The following MBD2 variants were observed in gnomAD, a reference collection of about 807,000 sequenced individuals.
MBD2 encodes methyl-CpG-binding domain protein 2.
MBD2 carries 9 observed loss-of-function variants against 39.3 expected under a neutral mutation model. The observed-to-expected ratio is 0.23, with a 90% CI of 0.14 to 0.40. The LOEUF is 0.40. Ranked by LOEUF, MBD2 falls within the 10% of genes least tolerant of loss-of-function variation. MBD2 has a pLI of 1.00. For missense variants in MBD2, 458 were observed against 532.6 expected, an observed-to-expected ratio of 0.86 and a Z score of 1.38; for synonymous variants, 233 against 211.1, an observed-to-expected ratio of 1.10 and a Z score of -0.90.
chr18:54,159,514 C>T (rs1158854190), intron 6 of MBD2, among the ~76,000 whole-genome samples: 1 of 151,856 alleles, frequency 6.6e-6, no homozygotes, highest in Non-Finnish European at 1.5e-5. Context: ...GCCTCCCAGG[C>T]TCGAGTGATC....
At chr18:54,206,329 CCCCAAAGTGTTA>C (rs1230918204) in intron 1 of MBD2, among the ~76,000 whole-genome samples, 3 of 152,102 alleles carry the variant, frequency 2.0e-5, no homozygotes, top group Admixed American at 2.0e-4. Flanking sequence ...AGGAATAATG[CCCCAAAGTGTTA>C]CCTAATAAAT....
Position 54,154,135 on chromosome 18 carries a change from C to T in MBD2, c.*1189G>A, listed in dbSNP as rs1304239336. On this transcript the variant is annotated 3_prime_UTR_variant, in exon 7 of 7. Coordinates refer to ENST00000256429, the MANE Select transcript of MBD2 (RefSeq NM_003927.5). ...TAGAATGATTTTACTTTTGCTCTGTCTCTCAAAATTTGTTTTCATTTGCTT... is the reference window on the plus strand; with the variant it reads ...TAGAATGATTTTACTTTTGCTCTGTTTCTCAAAATTTGTTTTCATTTGCTT... The T allele has an allele frequency of 6.6e-6, 1 of 152,158 alleles. No homozygotes were observed. Among genetic ancestry groups the T allele is most frequent in the Non-Finnish European group, 1.5e-5 (1 of 68,032 alleles). The allele number at this position is 152,158 out of a possible 1,614,324, so 9.4% of individuals were successfully genotyped here.
chr18:54,224,516 T>G lies in MBD2; in HGVS notation c.44A>C (p.Glu15Ala). Reference protein sequence around the residue: ...PGGGRCCPEQEEGESAAGGSG... With the variant: ...PGGGRCCPEQAEGESAAGGSG... ...GCCGCCCGCCGCACTCTCCCCCTCC[T>G]CCTGCTCCGGGCAGCAGCGGCCTCC... Residue 15 changes from glutamate to alanine, a missense_variant, in exon 1 of 7, where the codon GAG becomes GCG. Physicochemically the swap from Glu to Ala is moderately radical, Grantham distance 107 (BLOSUM62 -1). Around this residue, in one of 2 missense-constraint regions of MBD2, gnomAD observed 269 missense variants for 236.0 expected, o/e 1.14. Transcript: ENST00000256429. The G allele has an allele frequency of 8.3e-7, 1 of 1,210,880 alleles. No homozygotes were observed. The highest frequency in any genetic ancestry group is 1.0e-6 in the Non-Finnish European group (1 of 974,520). 75.0% of individuals were successfully genotyped at this position (1,210,880 alleles called of 1,614,324 possible).
intron 1 of MBD2, among the ~76,000 whole-genome samples, chr18:54,220,093 G>A (rs1189727535): frequency 6.6e-6 from 1 of 152,188 alleles, no homozygotes; most frequent in Non-Finnish European, 1.5e-5. Context: ...GAGCCACAGC[G>A]ACCGACCTAG....
At chr18:54,215,337 T>C (rs559367042) in intron 1 of MBD2, among the ~76,000 whole-genome samples, 183 of 152,282 alleles carry the variant, frequency 1.2e-3, no homozygotes, top group African/African-American at 4.1e-3. Flanking sequence ...ATGTTTTTTG[T>C]ATGTTCACTT....
chr18:54,177,827 CTTTTTTTT>C (rs34113185), intron 3 of MBD2, among the ~76,000 whole-genome samples: 8 of 87,198 alleles, frequency 9.2e-5, no homozygotes, highest in South Asian at 8.8e-4. Context: ...TTTTTCCTCT[CTTTTTTTT>C]TTTTTTTTTT....
chr18:54,203,065 G>T, intron 2 of MBD2: 3 of 1,484,406 alleles, frequency 2.0e-6, no homozygotes, highest in Non-Finnish European at 2.8e-6. Flanking sequence ...TCTTGAAAGC[G>T]CATGCCATGG....
At chr18:54,182,627 A>G (rs955769204) in intron 3 of MBD2, among the ~76,000 whole-genome samples, 3 of 152,200 alleles carry the variant, frequency 2.0e-5, no homozygotes, top group Non-Finnish European at 4.4e-5. Flanking sequence ...TCAGCAGTAT[A>G]ACACTATTAA....
At chr18:54,223,722 C>T (rs2086634051) in intron 1 of MBD2, among the ~76,000 whole-genome samples, 1 of 152,210 alleles carries the variant, frequency 6.6e-6, no homozygotes, top group Non-Finnish European at 1.5e-5. Flanking sequence ...AATTACACCT[C>T]CTTTTAACCC....
chr18:54,151,843 A>AC lies in MBD2; in HGVS notation c.*3480_*3481insG, dbSNP rs1231377936. The AC allele has an allele frequency of 3.3e-5, 5 of 151,640 alleles. No homozygotes were observed. Among genetic ancestry groups the AC allele is most frequent in the Middle Eastern group, 3.2e-3 (1 of 314 alleles). The allele number at this position is 151,640 out of a possible 1,614,324, so 9.4% of individuals were successfully genotyped here. On this transcript the variant is annotated 3_prime_UTR_variant, in exon 7 of 7. Transcript: ENST00000256429. ...TCCTCTTTAGACCAAAAAAAAAAAA[A>AC]AAAACACCCTGGAAGCCACCAAGGG...
At chr18:54,168,572 CATATATATATATATAT>C (rs56174434) in intron 3 of MBD2, among the ~76,000 whole-genome samples, 4 of 114,828 alleles carry the variant, frequency 3.5e-5, no homozygotes, top group Non-Finnish European at 5.3e-5. Context: ...AATGGAGATA[CATATATATATATATAT>C]ATATATATAT....
chr18:54,160,980 A>C (rs1270132640), intron 5 of MBD2, among the ~76,000 whole-genome samples: 1 of 151,832 alleles, frequency 6.6e-6, no homozygotes, highest in Non-Finnish European at 1.5e-5. Context: ...CTACTGAAAA[A>C]AAAAAAGTAA....
intron 2 of MBD2, among the ~76,000 whole-genome samples, chr18:54,204,351 T>A (rs1217338698): frequency 6.6e-6 from 1 of 152,234 alleles, no homozygotes; most frequent in Non-Finnish European, 1.5e-5. Flanking sequence ...ATTAAATTAG[T>A]ACAGGCTTAA....
At chr18:54,189,223 C>T (rs1369918572) in intron 2 of MBD2, among the ~76,000 whole-genome samples, 3 of 133,944 alleles carry the variant, frequency 2.2e-5, no homozygotes, top group African/African-American at 8.3e-5. Context: ...TTTTTGTATA[C>T]TTTTTTTTTT....
At chr18:54,188,411 T>C (rs969093260) in intron 3 of MBD2, among the ~76,000 whole-genome samples, 4 of 152,218 alleles carry the variant, frequency 2.6e-5, no homozygotes, top group African/African-American at 7.2e-5. Flanking sequence ...ATATACCATA[T>C]TGACAAAGTT....
At chr18:54,219,425 G>C (rs980929786) in intron 1 of MBD2, among the ~76,000 whole-genome samples, 16 of 152,188 alleles carry the variant, frequency 1.1e-4, no homozygotes, top group Non-Finnish European at 2.2e-4. Flanking sequence ...TGAGTGTTTG[G>C]CATTGTGTCG....
intron 2 of MBD2, among the ~76,000 whole-genome samples, chr18:54,189,414 G>A (rs2144311267): frequency 6.6e-6 from 1 of 151,792 alleles, no homozygotes; most frequent in South Asian, 2.1e-4. Flanking sequence ...AGTAGAGACG[G>A]GGTTTCACCA....
chr18:54,164,830 C>A, intron 4 of MBD2, 130 bp from the exon 5 acceptor site: 1 of 641,640 alleles, frequency 1.6e-6, no homozygotes, highest in Admixed American at 2.9e-5. Context: ...TAAGACAAAG[C>A]AGCAAAAGAT....
intron 1 of MBD2, among the ~76,000 whole-genome samples, chr18:54,215,091 T>G (rs555139167): frequency 6.6e-6 from 1 of 152,106 alleles, no homozygotes; most frequent in Non-Finnish European, 1.5e-5. Flanking sequence ...AACAAAAGCT[T>G]ACAAAAACTT....
Sources: gnomAD v4.1 joint callset for allele counts (sites outside exome capture counted in the v4.1 genomes callset) on GRCh38, gnomAD v4.1.1 for gene constraint, gnomAD v4.1.1 regional missense constraint, MANE v1.5 for transcripts, NCBI Gene and HGNC (gene_info 2026-07-23, HGNC 2026-07-21) for gene names.